The following SRGAP2 variants were observed in gnomAD, a reference collection of about 807,000 sequenced individuals.
SRGAP2 encodes the protein SLIT-ROBO Rho GTPase-activating protein 2.
Under a neutral mutation model 57.2 loss-of-function variants are expected in SRGAP2, and 15 were observed. That is an observed-to-expected ratio of 0.26 (90% confidence interval 0.18 to 0.40). The LOEUF (loss-of-function observed/expected upper bound fraction) is 0.40, where lower values mean the gene tolerates loss of function less well. Ranked by LOEUF, SRGAP2 falls within the 10% of genes least tolerant of loss-of-function variation. The pLI, the probability that SRGAP2 is intolerant of heterozygous loss-of-function variation, is 1.00. For missense variants in SRGAP2, 520 were observed against 669.6 expected (o/e 0.78, Z 2.47); for synonymous variants, 249 against 248.0 (o/e 1.00, Z -0.04).
At chr1:206,217,664 TC>T (rs1477754367) in intron 2 of SRGAP2, among the ~76,000 whole-genome samples, 38 of 146,880 alleles carry the variant, frequency 2.6e-4, no homozygotes, top group Non-Finnish European at 3.0e-5. Flanking sequence ...GCTATTATTA[TC>T]CCCATTTTAC....
intron 3 of SRGAP2, among the ~76,000 whole-genome samples, chr1:206,312,444 T>C (rs544832578): frequency 9.2e-4 from 140 of 152,182 alleles, no homozygotes; most frequent in African/African-American, 3.1e-3. Flanking sequence ...CTGGAAGCCA[T>C]TACGCTGTCA....
At chr1:206,389,562 T>C (rs1209532143) in intron 5 of SRGAP2, among the ~76,000 whole-genome samples, 8 of 152,106 alleles carry the variant, frequency 5.3e-5, no homozygotes, top group African/African-American at 1.9e-4. Flanking sequence ...TTCTGTGATA[T>C]AAATCTGGCT....
At chr1:206,459,252 G>C (rs1664073708) in intron 22 of SRGAP2, among the ~76,000 whole-genome samples, 1 of 152,182 alleles carries the variant, frequency 6.6e-6, no homozygotes, top group Non-Finnish European at 1.5e-5. Context: ...GAAAGCCCAA[G>C]TTTTGAGTCT....
chr1:206,440,478 C>T (rs1470678264), intron 17 of SRGAP2, among the ~76,000 whole-genome samples: 5 of 151,958 alleles, frequency 3.3e-5, no homozygotes, highest in South Asian at 2.1e-4. Flanking sequence ...AAGAGTGCCA[C>T]GGGGCCATTT....
intron 2 of SRGAP2, among the ~76,000 whole-genome samples, chr1:206,225,664 A>G (rs1667231914): frequency 6.6e-6 from 1 of 151,968 alleles, no homozygotes; most frequent in African/African-American, 2.4e-5. Context: ...GAAATAGATG[A>G]CACCCCTTTT....
At chr1:206,337,095 CAG>C (rs1159580633) in intron 3 of SRGAP2, among the ~76,000 whole-genome samples, 14 of 145,938 alleles carry the variant, frequency 9.6e-5, no homozygotes, top group East Asian at 3.9e-4. Context: ...AATTCTGAGA[CAG>C]GGGATGGGAG....
chr1:206,216,384 C>T (rs1476247281), intron 2 of SRGAP2, among the ~76,000 whole-genome samples: 2 of 152,108 alleles, frequency 1.3e-5, no homozygotes, highest in African/African-American at 4.8e-5. Flanking sequence ...ACACATTCTA[C>T]GTTTGTCCAG....
intron 3 of SRGAP2, among the ~76,000 whole-genome samples, chr1:206,303,880 TCTCTCTCTCACACACA>T (rs1672018925): frequency 7.2e-6 from 1 of 138,658 alleles, no homozygotes; most frequent in African/African-American, 3.0e-5. Context: ...TCTCTCTCTC[TCTCTCTCTCACACACA>T]CACACACACA....
At chr1:206,411,751 A>G (rs1161614935) in intron 10 of SRGAP2, among the ~76,000 whole-genome samples, 1 of 152,222 alleles carries the variant, frequency 6.6e-6, no homozygotes, top group African/African-American at 2.4e-5. Context: ...ATTTAAAGGG[A>G]AGAGGTTTTT....
rs1252285246 is a variant in SRGAP2, at chr1:206,446,163, C to T, written c.1963C>T (p.His655Tyr). The T allele has an allele frequency of 3.8e-6, 3 of 780,782 alleles. No homozygotes were observed. The highest frequency in any genetic ancestry group is 2.4e-5 in the East Asian group (1 of 41,270). 48.4% of individuals were successfully genotyped at this position (780,782 alleles called of 1,614,324 possible). A position where few individuals can be genotyped will look rare whatever the true frequency, so the allele number is the denominator to read the frequency against. ...CTCGCTAATGTCAGTGCCAGAGGGC[C>T]ACGACCAGGTGTCCTGCCAAGCCCA... ...GPSLMSVPEGHDQVSCQAHVN... is the reference protein window; with the variant it reads ...GPSLMSVPEGYDQVSCQAHVN... The change falls in exon 18 of 23, where the codon CAC becomes TAC. Residue 655 changes from histidine (H) to tyrosine (Y), a missense_variant. Physicochemically the swap from His to Tyr is moderately conservative, Grantham distance 83. Around this residue, in one of 5 missense-constraint regions of SRGAP2, gnomAD observed 478 missense variants for 373.6 expected, o/e 1.28. Coordinates refer to ENST00000573034, the MANE Select transcript of SRGAP2 (RefSeq NM_015326.5).
At chr1:206,324,601 C>G (rs1673730664) in intron 3 of SRGAP2, among the ~76,000 whole-genome samples, 1 of 151,816 alleles carries the variant, frequency 6.6e-6, no homozygotes, top group Admixed American at 6.6e-5. Flanking sequence ...CATTGTCTGC[C>G]CTTGTCGGGA....
intron 4 of SRGAP2, among the ~76,000 whole-genome samples, chr1:206,357,217 T>G (rs1676503849): frequency 6.8e-6 from 1 of 147,806 alleles, no homozygotes; most frequent in Admixed American, 6.6e-5. Flanking sequence ...TTTCAATTGT[T>G]AAAGTAATAC....
At chr1:206,266,021 G>A in intron 2 of SRGAP2, among the ~76,000 whole-genome samples, 1 of 151,796 alleles carries the variant, frequency 6.6e-6, no homozygotes, top group South Asian at 2.1e-4. Context: ...AAGAATGTTT[G>A]AGCTGGAAGG....
In SRGAP2 at chr1:206,323,586, T is replaced by A. The variant is rs1341277180; in HGVS notation, c.261-19260T>A. ...CAAGAATCCAGCATCAGCATCAGCA[T>A]CAGCATCAGCATCAGCATCTGCTCA... On this transcript the variant is annotated intron_variant, in intron 3 of 22. Transcript: ENST00000573034. Among the ~76,000 whole-genome samples, 8 of 151,986 alleles carry A rather than the reference T, an allele frequency of 5.3e-5. No homozygotes were observed. The East Asian group carries it at 1.4e-3, about 26-fold the overall frequency.
chr1:206,218,225 ATTGC>A (rs1356942561), intron 2 of SRGAP2, among the ~76,000 whole-genome samples: 3 of 151,566 alleles, frequency 2.0e-5, no homozygotes, highest in Non-Finnish European at 4.4e-5. Flanking sequence ...AGGCAGGAGA[ATTGC>A]TTGAACCTGG....
At position 206,359,171 on chromosome 1, in the gene SRGAP2, T is replaced by C. The variant is rs1676698536; in HGVS notation, c.423+16163T>C. Among the ~76,000 whole-genome samples, 8 of 138,356 alleles carry C rather than the reference T, an allele frequency of 5.8e-5. No homozygotes were observed. In the South Asian group the frequency reaches 2.0e-3, roughly 35 times the overall value. 90.8% of individuals were successfully genotyped at this position (138,356 alleles called of 152,430 possible). ...TTCCTTTCCTGCCTCTTTGTCCCCATTAGAGATGTCACTCATGAGGACAGT... is the reference window on the plus strand; with the variant it reads ...TTCCTTTCCTGCCTCTTTGTCCCCACTAGAGATGTCACTCATGAGGACAGT... On this transcript the variant is annotated intron_variant, in intron 4 of 22. Coordinates refer to ENST00000573034, the MANE Select transcript of SRGAP2 (RefSeq NM_015326.5).
Position 206,346,374 on chromosome 1 carries a change from G to T in SRGAP2, c.423+3366G>T, listed in dbSNP as rs530978451. Among the ~76,000 whole-genome samples, 629 of 152,280 alleles carry T rather than the reference G, an allele frequency of 4.1e-3. 1 individual carries two copies. Among genetic ancestry groups the T allele is most frequent in the African/African-American group, 0.012 (494 of 41,560 alleles). On this transcript the variant is annotated intron_variant, in intron 4 of 22. Coordinates refer to ENST00000573034, the MANE Select transcript of SRGAP2 (RefSeq NM_015326.5). ...ACGATAAGGGGATCCTACACTGGGG[G>T]CTTCCTTCTGGTTGTTAGGTTACCT...
intron 2 of SRGAP2, among the ~76,000 whole-genome samples, chr1:206,226,792 A>G (rs1260208351): frequency 1.3e-5 from 2 of 152,188 alleles, no homozygotes; most frequent in Non-Finnish European, 2.9e-5. Flanking sequence ...TCTGGGCCAT[A>G]CGTGAAATGA....
chr1:206,412,644 G>A (rs79245340), intron 10 of SRGAP2, among the ~76,000 whole-genome samples: 6 of 152,104 alleles, frequency 3.9e-5, no homozygotes, highest in Admixed American at 2.6e-4. Flanking sequence ...CCTGGCCCCC[G>A]TGATCTCCAG....
Sources: allele counts gnomAD v4.1 joint callset (sites outside exome capture counted in the v4.1 genomes callset), GRCh38; gene constraint gnomAD v4.1.1; regional missense constraint gnomAD v4.1.1; transcripts MANE v1.5; gene names NCBI Gene and HGNC (gene_info 2026-07-23, HGNC 2026-07-21).